Variants in COL6A6 observed in about 807,000 individuals in gnomAD.
The protein encoded by COL6A6 is collagen type VI alpha 6 chain, also known as collagen alpha-6(VI) chain.
Under a neutral mutation model 208.6 loss-of-function variants are expected in COL6A6, and 183 were observed. That is an observed-to-expected ratio of 0.88 (90% CI 0.78 to 0.99). The LOEUF (loss-of-function observed/expected upper bound fraction) is 0.99. Among genes scored for constraint, COL6A6 ranks in the 50% least tolerant of loss-of-function variants. The pLI is 0.00. For missense variants in COL6A6, 2,816 were observed against 2,815.2 expected (o/e 1.00, Z -0.01); for synonymous variants, 973 against 1,011.8 (o/e 0.96, Z 0.73).
intron 10 of COL6A6, among the ~76,000 whole-genome samples, chr3:130,584,562 A>C (rs543363812): frequency 6.7e-6 from 1 of 148,252 alleles, no homozygotes; most frequent in Non-Finnish European, 1.5e-5. Context: ...TTGTCACCCT[A>C]TTTTTCTTTG....
At position 130,620,639 on chromosome 3, in the gene COL6A6, G is replaced by T. The variant is rs141642482; in HGVS notation, c.4816-1182G>T. On this transcript the variant is annotated intron_variant, in intron 23 of 36. Transcript: ENST00000358511. Reference sequence around the variant, plus strand: ...GGGGAGAGATAGGGTATTATGGAAAGATTCTTATCTTTGTTAGTAACCAAT... The same window carrying T: ...GGGGAGAGATAGGGTATTATGGAAATATTCTTATCTTTGTTAGTAACCAAT... Among the ~76,000 whole-genome samples the T allele has an allele frequency of 2.8e-3, 422 of 152,224 alleles. 9 individuals are homozygous for T. The highest frequency in any genetic ancestry group is 3.5e-3 in the East Asian group (18 of 5,192).
At chr3:130,656,948 A>T (rs2065806712) in intron 33 of COL6A6, among the ~76,000 whole-genome samples, 1 of 152,244 alleles carries the variant, frequency 6.6e-6, no homozygotes, top group South Asian at 2.1e-4. Flanking sequence ...AGGTAGCAGG[A>T]GCAGGCATTT....
chr3:130,564,339 A>C (rs1029353159), intron 3 of COL6A6, among the ~76,000 whole-genome samples: 4 of 152,248 alleles, frequency 2.6e-5, no homozygotes, highest in Admixed American at 2.6e-4. Context: ...TAGTAACAAG[A>C]ATGGTCAAGA....
intron 1 of COL6A6, among the ~76,000 whole-genome samples, chr3:130,538,574 A>G (rs1212618528): frequency 6.6e-6 from 1 of 152,264 alleles, no homozygotes; most frequent in Non-Finnish European, 1.5e-5. Context: ...GGATGTGGTT[A>G]CTAACACCAT....
At chr3:130,526,740 G>T (rs940360195) in intron 1 of COL6A6, among the ~76,000 whole-genome samples, 4 of 151,924 alleles carry the variant, frequency 2.6e-5, no homozygotes, top group African/African-American at 4.8e-5. Context: ...TATCACAGTT[G>T]TAACTTTACA....
At chr3:130,668,149 A>G (rs1218703024) in intron 36 of COL6A6, among the ~76,000 whole-genome samples, 1 of 152,050 alleles carries the variant, frequency 6.6e-6, no homozygotes, top group Non-Finnish European at 1.5e-5. Flanking sequence ...AGTTACAATC[A>G]GAGATTGATG....
chr3:130,537,622 A>G lies in COL6A6; in HGVS notation c.-32+20225A>G, dbSNP rs373496052. Among the ~76,000 whole-genome samples the G allele has an allele frequency of 5.9e-5, 9 of 152,348 alleles. No homozygotes were observed. The East Asian group carries it at 1.3e-3, about 23-fold the overall frequency. On this transcript the variant is annotated intron_variant, in intron 1 of 36. Transcript: ENST00000358511. The stretch of plus-strand genomic sequence containing the variant: ...AACTTAGGTGGTCAACAATTAGCAG[A>G]TATTTGTTGAATGTCTACTTTGGGC...
Position 130,563,669 on chromosome 3 carries a change from G to T in COL6A6, c.661+5G>T. 6.3e-7 allele frequency: 1 copy of T among 1,581,944 alleles called. No individual in the cohort carries two copies. The highest frequency in any genetic ancestry group is 1.7e-4 in the Middle Eastern group (1 of 5,988). On this transcript the variant is annotated splice_donor_5th_base_variant and intron_variant, in intron 3 of 36. Coordinates refer to ENST00000358511, the MANE Select transcript of COL6A6 (RefSeq NM_001102608.3). The stretch of plus-strand genomic sequence containing the variant: ...TTGATGACATCTTTGTAGAAGGTGG[G>T]CTTAGGATATGTGTATAGGAATGAT...
chr3:130,574,461 C>T lies in COL6A6; in HGVS notation c.3483C>T (p.Phe1161=), dbSNP rs369477543. Residue 1161 remains phenylalanine, a synonymous_variant, in exon 8 of 37, where the codon TTC becomes TTT. Transcript: ENST00000358511. ...AGAAAAAACTGACAGTGCACAACTT[C>T]GATGAACTGAAGAAGGTCAATAAAA... ...TAEKKLTVHN[F]DELKKVNKRI... is the part of the protein sequence containing the mutation. The T allele has an allele frequency of 7.4e-6, 12 of 1,613,896 alleles. No homozygotes were observed. The African/African-American group carries it at 1.1e-4, about 14-fold the overall frequency.
intron 33 of COL6A6, among the ~76,000 whole-genome samples, chr3:130,655,208 A>G (rs1365560778): frequency 6.6e-6 from 1 of 152,074 alleles, no homozygotes. Context: ...TAGATAAGCA[A>G]TTTTGTTTGG....
chr3:130,602,426 C>A (rs754281237), intron 20 of COL6A6, among the ~76,000 whole-genome samples: 5 of 152,046 alleles, frequency 3.3e-5, no homozygotes, highest in Non-Finnish European at 7.4e-5. Flanking sequence ...CGTAAAGCTG[C>A]AAGAGAAAGA....
At chr3:130,545,020 T>A (rs142602284) in intron 1 of COL6A6, among the ~76,000 whole-genome samples, 1 of 152,240 alleles carries the variant, frequency 6.6e-6, no homozygotes, top group African/African-American at 2.4e-5. Context: ...TTTAGTTTGA[T>A]GTATGCCCAT....
At chr3:130,533,723 A>G (rs7628459) in intron 1 of COL6A6, among the ~76,000 whole-genome samples, 10,003 of 152,090 alleles carry the variant, frequency 0.066, 1,114 homozygotes, top group African/African-American at 0.23. Flanking sequence ...AACACTTGGT[A>G]TTTTGGTGTG....
upstream of COL6A6, among the ~76,000 whole-genome samples, chr3:130,517,018 A>T (rs1020339277): frequency 2.6e-5 from 4 of 152,188 alleles, no homozygotes; most frequent in Non-Finnish European, 5.9e-5. Context: ...GTGGAGCAGT[A>T]ACAGCCTTCA....
chr3:130,641,784 C>T, intron 29 of COL6A6, 70 bp downstream of exon 29: 1 of 884,442 alleles, frequency 1.1e-6, no homozygotes, highest in Non-Finnish European at 1.8e-6. Flanking sequence ...TGCATGAAAT[C>T]TTCATTGTCC....
intron 36 of COL6A6, among the ~76,000 whole-genome samples, chr3:130,671,428 T>C (rs936974683): frequency 6.6e-6 from 1 of 152,186 alleles, no homozygotes; most frequent in African/African-American, 2.4e-5. Context: ...TCCTATGTAT[T>C]TGAAATGGTG....
chr3:130,641,448 A>G (rs2065305986), intron 28 of COL6A6, among the ~76,000 whole-genome samples: 1 of 152,214 alleles, frequency 6.6e-6, no homozygotes, highest in African/African-American at 2.4e-5. Context: ...CAAAATGTTA[A>G]TGAGGATTAT....
At chr3:130,594,393 C>A (rs551626029) in intron 18 of COL6A6, 50 bp downstream of exon 18, 3 of 1,406,602 alleles carry the variant, frequency 2.1e-6, no homozygotes, top group Non-Finnish European at 3.0e-6. Flanking sequence ...CCCATCCGTA[C>A]TTCTGATAGG....
intron 24 of COL6A6, among the ~76,000 whole-genome samples, chr3:130,626,189 C>G (rs1693682425): frequency 6.6e-6 from 1 of 152,156 alleles, no homozygotes; most frequent in Non-Finnish European, 1.5e-5. Flanking sequence ...ATGAATCATC[C>G]TGGAAACGAT....
Sources: allele counts gnomAD v4.1 joint callset (sites outside exome capture counted in the v4.1 genomes callset), GRCh38; gene constraint gnomAD v4.1.1; transcripts MANE v1.5; gene names NCBI Gene and HGNC (gene_info 2026-07-23, HGNC 2026-07-21).